Variants in MRPL15 observed in about 807,000 individuals in gnomAD.
MRPL15 encodes large ribosomal subunit protein uL15m.
In MRPL15, 24 loss-of-function variants were observed where a neutral mutation model predicts 28.0. That is an observed-to-expected ratio of 0.86 (90% CI 0.62 to 1.21). The LOEUF (loss-of-function observed/expected upper bound fraction) is 1.21, where lower values mean the gene tolerates loss of function less well. Ranked by LOEUF, MRPL15 falls within the 50% of genes most tolerant of loss-of-function variation. The pLI, the probability that MRPL15 is intolerant of heterozygous loss-of-function variation, is 0.00. For synonymous variants in MRPL15, 124 were observed against 137.0 expected (o/e 0.90, Z 0.66); for missense variants, 343 against 372.4 (o/e 0.92, Z 0.65).
At chr8:54,141,713 C>A (rs1443552218) in intron 3 of MRPL15, among the ~76,000 whole-genome samples, 1 of 152,120 alleles carries the variant, frequency 6.6e-6, no homozygotes, top group Non-Finnish European at 1.5e-5. Flanking sequence ...TACTTTAAAT[C>A]ATCTCTAGAT....
chr8:54,142,538 G>A (rs1810946709), intron 3 of MRPL15, 125 bp from the exon 4 acceptor site: 3 of 1,074,660 alleles, frequency 2.8e-6, no homozygotes, highest in Non-Finnish European at 4.0e-6. Flanking sequence ...AGATATGGAG[G>A]ACTAACTGTA....
At chr8:54,140,251 T>C (rs1195911124) in intron 3 of MRPL15, among the ~76,000 whole-genome samples, 1 of 152,122 alleles carries the variant, frequency 6.6e-6, no homozygotes, top group Non-Finnish European at 1.5e-5. Context: ...ATTTTCCTTT[T>C]TTTTCTGTCT....
intron 4 of MRPL15, among the ~76,000 whole-genome samples, chr8:54,144,151 C>T (rs1338966121): frequency 1.3e-5 from 2 of 152,200 alleles, no homozygotes; most frequent in African/African-American, 2.4e-5. Flanking sequence ...CTTTTGCTAC[C>T]TGCTGTATCT....
At chr8:54,137,951 T>C (rs1810856356) in intron 3 of MRPL15, among the ~76,000 whole-genome samples, 1 of 148,578 alleles carries the variant, frequency 6.7e-6, no homozygotes, top group South Asian at 2.1e-4. Context: ...GCTTGCCTTC[T>C]TTTTTTTTTG....
intron 1 of MRPL15, 142 bp downstream of exon 1, chr8:54,135,533 A>G: frequency 3.9e-6 from 2 of 507,980 alleles, no homozygotes; most frequent in Non-Finnish European, 6.6e-6. Context: ...GTTCTCCCTT[A>G]CTGCCCAGAG....
chr8:54,136,347 A>C (rs771492069), intron 1 of MRPL15, among the ~76,000 whole-genome samples, 164 bp from the exon 2 acceptor site: 12 of 152,226 alleles, frequency 7.9e-5, no homozygotes, highest in Non-Finnish European at 1.8e-4. Context: ...CAAAGATGCT[A>C]ACAGAGTGTG....
chr8:54,139,560 C>G (rs917540701), intron 3 of MRPL15, among the ~76,000 whole-genome samples: 6 of 152,162 alleles, frequency 3.9e-5, no homozygotes, highest in African/African-American at 1.2e-4. Flanking sequence ...ATGACCTTAT[C>G]AGCCCTTAAA....
intron 1 of MRPL15, among the ~76,000 whole-genome samples, chr8:54,135,691 A>C (rs1810818023): frequency 6.7e-6 from 1 of 149,318 alleles, no homozygotes; most frequent in Non-Finnish European, 1.5e-5. Flanking sequence ...CGCCCGGCTA[A>C]TTTTTGTATT....
intron 3 of MRPL15, among the ~76,000 whole-genome samples, chr8:54,140,161 G>A (rs1384077410): frequency 6.6e-6 from 1 of 152,170 alleles, no homozygotes; most frequent in East Asian, 1.9e-4. Context: ...GCTTTTATCA[G>A]AATCTGCTTT....
intron 4 of MRPL15, among the ~76,000 whole-genome samples, chr8:54,144,120 ATC>A (rs1248538220): frequency 6.6e-6 from 1 of 152,090 alleles, no homozygotes. Context: ...TTTCTTTCCC[ATC>A]TCTCAGGATG....
intron 1 of MRPL15, among the ~76,000 whole-genome samples, chr8:54,135,679 C>T (rs936399223): frequency 6.6e-6 from 1 of 150,938 alleles, no homozygotes; most frequent in Admixed American, 6.6e-5. Flanking sequence ...CGCCCGCCAT[C>T]ACGCCCGGCT....
chr8:54,147,360 T>C, intron 4 of MRPL15, 22 bp from the exon 5 acceptor site: 1 of 1,562,058 alleles, frequency 6.4e-7, no homozygotes, highest in Non-Finnish European at 8.7e-7. Flanking sequence ...ATCTCACTTT[T>C]TAAATTTAAA....
At chr8:54,139,171 G>T (rs948299936) in intron 3 of MRPL15, among the ~76,000 whole-genome samples, 14 of 152,096 alleles carry the variant, frequency 9.2e-5, no homozygotes, top group Admixed American at 9.2e-4. Context: ...GGCTAATTTT[G>T]TATTTTTAGT....
intron 3 of MRPL15, among the ~76,000 whole-genome samples, chr8:54,139,873 A>G (rs1406172910): frequency 1.3e-5 from 2 of 152,220 alleles, no homozygotes; most frequent in Admixed American, 6.5e-5. Context: ...ACTGACACCA[A>G]TGCCCCCAAA....
At position 54,136,641 on chromosome 8, in the gene MRPL15, A is replaced by G; in HGVS notation, c.239A>G (p.Lys80Arg). 1 of 1,614,162 alleles carries G rather than the reference A, an allele frequency of 6.2e-7. No homozygotes were observed. The highest frequency in any genetic ancestry group is 8.5e-7 in the Non-Finnish European group (1 of 1,179,994). The change falls in exon 2 of 5, where the codon AAA (lysine) becomes AGA (arginine). Residue 80 changes from lysine (K) to arginine (R), a missense_variant. Physicochemically the swap from Lys to Arg is conservative, Grantham distance 26. Coordinates refer to ENST00000260102, the MANE Select transcript of MRPL15 (RefSeq NM_014175.4). ...ACTCCATTTTACATCCGAATCCCAA[A>G]ATACGGGTTTAACGAAGGACATAGG... ...GQTPFYIRIPKYGFNEGHSFR... is the reference protein window; with the variant it reads ...GQTPFYIRIPRYGFNEGHSFR...
At position 54,147,746 on chromosome 8, in the gene MRPL15, T is replaced by TA. The variant is rs1469901057; in HGVS notation, c.*30dup. ...TTCCCGTCCAAGGAAGCAGAGTTGTTAAAGAGTACTGGAATAGGGGCTGAA... is the reference window on the plus strand; with the variant it reads ...TTCCCGTCCAAGGAAGCAGAGTTGTTAAAAGAGTACTGGAATAGGGGCTGAA... On this transcript the variant is annotated 3_prime_UTR_variant, in exon 5 of 5. Coordinates refer to ENST00000260102, the MANE Select transcript of MRPL15 (RefSeq NM_014175.4). 1 of 1,567,506 alleles carries TA rather than the reference T, an allele frequency of 6.4e-7. No homozygotes were observed. The highest frequency in any genetic ancestry group is 8.7e-7 in the Non-Finnish European group (1 of 1,152,196).
chr8:54,138,660 C>G (rs1389118711), intron 3 of MRPL15, among the ~76,000 whole-genome samples: 1 of 151,894 alleles, frequency 6.6e-6, no homozygotes, highest in Non-Finnish European at 1.5e-5. Flanking sequence ...GAGCACTTGC[C>G]CTGCTTCAGG....
intron 4 of MRPL15, 128 bp downstream of exon 4, chr8:54,142,914 ATGGATTATTATGATTTAAAG>A: frequency 7.8e-7 from 1 of 1,283,822 alleles, no homozygotes. Flanking sequence ...CATCTACCAT[ATGGATTATTATGATTTAAAG>A]AATACAGCCT....
chr8:54,141,315 TGGTATTTCCATTTATGAAGTC>T (rs1360272844), intron 3 of MRPL15, among the ~76,000 whole-genome samples: 1 of 152,120 alleles, frequency 6.6e-6, no homozygotes, highest in Admixed American at 6.6e-5. Context: ...CTATGAAAGT[TGGTATTTCCATTTATGAAGTC>T]GGTATTTCCA....
Sources: gnomAD v4.1 joint callset for allele counts (sites outside exome capture counted in the v4.1 genomes callset) on GRCh38, gnomAD v4.1.1 for gene constraint, MANE v1.5 for transcripts, NCBI Gene and HGNC (gene_info 2026-07-23, HGNC 2026-07-21) for gene names.